Variants in PARP16 observed in about 807,000 individuals in gnomAD.
PARP16 encodes poly(ADP-ribose) polymerase family member 16.
Under a neutral mutation model 35.0 loss-of-function variants are expected in PARP16, and 31 were observed. The ratio of observed to expected loss-of-function variants is 0.88; its 90% confidence interval spans 0.66 to 1.19. The LOEUF is 1.19. PARP16 is among the 50% of genes most tolerant of loss of function. The probability of loss-of-function intolerance (pLI) is 0.00; values close to 1 mark genes in which losing one functional copy is unlikely to be tolerated. For missense variants in PARP16, 424 were observed against 411.2 expected (o/e 1.03, Z -0.27); for synonymous variants, 162 against 169.5 (o/e 0.96, Z 0.34).
At chr15:65,238,996 T>C (rs1390826228) in intron 3 of PARP16, among the ~76,000 whole-genome samples, 1 of 152,088 alleles carries the variant, frequency 6.6e-6, no homozygotes, top group Non-Finnish European at 1.5e-5. Flanking sequence ...CCAGGTATGA[T>C]GGCATGTGCC....
chr15:65,247,741 C>T (rs2089246323), intron 3 of PARP16, among the ~76,000 whole-genome samples: 1 of 150,728 alleles, frequency 6.6e-6, no homozygotes, highest in Non-Finnish European at 1.5e-5. Context: ...GACAGACACA[C>T]AGAGACATGT....
rs1286152905 is a variant in PARP16, at chr15:65,266,597, T to C, written c.484A>G (p.Ile162Val). The change falls in exon 3 of 6, where the codon ATT (isoleucine) becomes GTT (valine). Residue 162 changes from isoleucine to valine, a missense_variant. Coordinates refer to ENST00000649807, the MANE Select transcript of PARP16 (RefSeq NM_001316943.2). ...TGGCAGTGCAGGCCATTGTGGATAA[T>C]GGAATGGAAGTTTTCTAGGCGGCTA... ...HGSRLENFHS[I>V]IHNGLHCHLN... The C allele has an allele frequency of 2.5e-6, 4 of 1,613,938 alleles. No homozygotes were observed. The highest frequency in any genetic ancestry group is 1.6e-4 in the Middle Eastern group (1 of 6,084).
chr15:65,257,744 T>C (rs1361589220), downstream of PARP16, among the ~76,000 whole-genome samples: 1 of 152,054 alleles, frequency 6.6e-6, no homozygotes, highest in African/African-American at 2.4e-5. Context: ...CCCTAGACCA[T>C]GTTAGGACTC....
intron 3 of PARP16, among the ~76,000 whole-genome samples, chr15:65,244,294 A>T (rs767148407): frequency 6.6e-6 from 1 of 152,216 alleles, no homozygotes; most frequent in African/African-American, 2.4e-5. Flanking sequence ...TTACTATATT[A>T]GTCTGTTCTC....
At chr15:65,256,369 T>A (rs2089508304), downstream of PARP16, among the ~76,000 whole-genome samples, 1 of 151,824 alleles carries the variant, frequency 6.6e-6, no homozygotes, top group Non-Finnish European at 1.5e-5. Context: ...CATCATTTTC[T>A]TGCTTAGAAC....
chr15:65,241,369 G>T (rs553678772), intron 3 of PARP16, among the ~76,000 whole-genome samples: 1 of 152,246 alleles, frequency 6.6e-6, no homozygotes, highest in East Asian at 1.9e-4. Flanking sequence ...TCGAACTCCT[G>T]ACCTCAGGTG....
At chr15:65,245,121 T>C (rs1471227606) in intron 3 of PARP16, among the ~76,000 whole-genome samples, 1 of 152,230 alleles carries the variant, frequency 6.6e-6, no homozygotes, top group South Asian at 2.1e-4. Context: ...TGGCAGCTGC[T>C]CCTCAGTAAT....
At chr15:65,266,164 C>T (rs1254729561) in intron 3 of PARP16, among the ~76,000 whole-genome samples, 2 of 152,070 alleles carry the variant, frequency 1.3e-5, no homozygotes, top group East Asian at 3.9e-4. Context: ...CCCTCAGCCT[C>T]CCAAAGTCCT....
chr15:65,255,743 G>GA (rs56665485), downstream of PARP16, among the ~76,000 whole-genome samples: 709 of 57,084 alleles, frequency 0.012, 5 homozygotes, highest in African/African-American at 0.041. Flanking sequence ...AGAAAACTCA[G>GA]AAAAAAAAAA....
At chr15:65,268,411 C>G (rs1171507676) in intron 2 of PARP16, among the ~76,000 whole-genome samples, 1 of 152,124 alleles carries the variant, frequency 6.6e-6, no homozygotes, top group Non-Finnish European at 1.5e-5. Flanking sequence ...AACCACCCAA[C>G]CAACCCACAA....
chr15:65,268,562 C>A (rs1312266512), intron 2 of PARP16, among the ~76,000 whole-genome samples: 1 of 152,194 alleles, frequency 6.6e-6, no homozygotes, highest in Non-Finnish European at 1.5e-5. Flanking sequence ...CCTCTATCCT[C>A]AGTTTCTTGA....
chr15:65,270,366 G>T (rs1431686794), intron 2 of PARP16, among the ~76,000 whole-genome samples: 1 of 152,120 alleles, frequency 6.6e-6, no homozygotes, highest in African/African-American at 2.4e-5. Flanking sequence ...ATTTATAAAT[G>T]GAAAAAAGGA....
At chr15:65,254,738 G>A (rs931634755), downstream of PARP16, among the ~76,000 whole-genome samples, 1 of 152,148 alleles carries the variant, frequency 6.6e-6, no homozygotes, top group Non-Finnish European at 1.5e-5. Context: ...CAGATGCGAT[G>A]GGGCCATGTT....
intron 2 of PARP16, among the ~76,000 whole-genome samples, chr15:65,270,473 A>G (rs7167901): frequency 0.4 from 61,263 of 152,118 alleles, 14,009 homozygotes; most frequent in East Asian, 0.86. Context: ...GAACTAGGTC[A>G]GAGTTTCTTA....
At position 65,259,454 on chromosome 15, in the gene PARP16, T is replaced by C; in HGVS notation, c.922A>G (p.Ile308Val). ...YLLLLLIVSV[I>V]NSSAFQHFWN... ...AAGTGTTGGAAAGCAGAGGAGTTGATGACACTCACTATGAGCAGCAGCAGC... is the reference window on the plus strand; with the variant it reads ...AAGTGTTGGAAAGCAGAGGAGTTGACGACACTCACTATGAGCAGCAGCAGC... The change falls in exon 6 of 6, where the codon ATC becomes GTC. Residue 308 changes from isoleucine to valine, a missense_variant. Physicochemically the swap from Ile to Val is conservative, Grantham distance 29 (BLOSUM62 3). Coordinates refer to ENST00000649807, the MANE Select transcript of PARP16 (RefSeq NM_001316943.2). 2 of 1,614,068 alleles carry C rather than the reference T, an allele frequency of 1.2e-6. No homozygotes were observed. Among genetic ancestry groups the C allele is most frequent in the Admixed American group, 1.7e-5 (1 of 60,018 alleles).
intron 3 of PARP16, among the ~76,000 whole-genome samples, chr15:65,266,114 G>A (rs1342125262): frequency 6.6e-6 from 1 of 151,826 alleles, no homozygotes; most frequent in East Asian, 1.9e-4. Flanking sequence ...TTTTTAGTAT[G>A]GATGGGGTTT....
intron 2 of PARP16, 113 bp downstream of exon 2, chr15:65,270,822 C>T: frequency 9.4e-7 from 1 of 1,064,552 alleles, no homozygotes; most frequent in Non-Finnish European, 1.4e-6. Context: ...ACTCTGCATT[C>T]TCAAGCTGCC....
intron 5 of PARP16, among the ~76,000 whole-genome samples, chr15:65,260,132 G>A (rs752163977): frequency 6.6e-6 from 1 of 152,098 alleles, no homozygotes; most frequent in Non-Finnish European, 1.5e-5. Flanking sequence ...ACAGGGGTCG[G>A]GAGGAGACTT....
chr15:65,250,265 G>A (rs886525185), intron 2 of PARP16, among the ~76,000 whole-genome samples: 9 of 151,756 alleles, frequency 5.9e-5, no homozygotes, highest in South Asian at 2.1e-4. Flanking sequence ...TTACAGGCGC[G>A]CGCCACCATG....
Sources: gnomAD v4.1 joint callset for allele counts (sites outside exome capture counted in the v4.1 genomes callset) on GRCh38, gnomAD v4.1.1 for gene constraint, MANE v1.5 for transcripts, NCBI Gene and HGNC (gene_info 2026-07-23, HGNC 2026-07-21) for gene names.